Variants in KCNJ3 observed in about 807,000 individuals in gnomAD.
KCNJ3 encodes G protein-activated inward rectifier potassium channel 1.
In KCNJ3, 4 loss-of-function variants were observed where a neutral mutation model predicts 39.2. That is an observed-to-expected ratio of 0.10 (90% CI 0.05 to 0.23). The LOEUF is 0.23. Ranked by LOEUF, KCNJ3 falls within the 10% of genes least tolerant of loss-of-function variation. The probability of loss-of-function intolerance (pLI) is 1.00; values close to 1 mark genes in which losing one functional copy is unlikely to be tolerated. For synonymous variants in KCNJ3, 230 were observed against 237.4 expected (o/e 0.97, Z 0.29); for missense variants, 276 against 634.9 (o/e 0.43, Z 6.08).
chr2:154,768,427 C>T (rs897870228), intron 2 of KCNJ3, among the ~76,000 whole-genome samples: 2 of 152,114 alleles, frequency 1.3e-5, no homozygotes, highest in African/African-American at 2.4e-5. Context: ...TTCCCAGCAC[C>T]ATTTATTAAA....
At chr2:154,800,482 AG>A (rs1686800283) in intron 2 of KCNJ3, among the ~76,000 whole-genome samples, 1 of 152,176 alleles carries the variant, frequency 6.6e-6, no homozygotes, top group Non-Finnish European at 1.5e-5. Flanking sequence ...CATTTCTTGT[AG>A]TTTTTCTTCC....
At chr2:154,803,739 A>G (rs2105095391) in intron 2 of KCNJ3, among the ~76,000 whole-genome samples, 1 of 152,188 alleles carries the variant, frequency 6.6e-6, no homozygotes, top group South Asian at 2.1e-4. Flanking sequence ...CTCACTGACA[A>G]TCTGCATACA....
intron 2 of KCNJ3, among the ~76,000 whole-genome samples, chr2:154,724,533 T>G (rs1165616132): frequency 6.6e-6 from 1 of 152,028 alleles, no homozygotes; most frequent in African/African-American, 2.4e-5. Context: ...ATTAAACATT[T>G]CCTGCTCATG....
intron 2 of KCNJ3, among the ~76,000 whole-genome samples, chr2:154,814,599 T>G (rs1231322808): frequency 1.3e-5 from 2 of 152,100 alleles, no homozygotes; most frequent in Non-Finnish European, 2.9e-5. Context: ...ATCGTGCCAC[T>G]GTGCTCCAGC....
intron 2 of KCNJ3, among the ~76,000 whole-genome samples, chr2:154,711,246 C>G (rs1685098082): frequency 6.6e-6 from 1 of 151,846 alleles, no homozygotes; most frequent in South Asian, 2.1e-4. Flanking sequence ...GCTCGTAGTC[C>G]AAGAAATCTT....
intron 1 of KCNJ3, among the ~76,000 whole-genome samples, chr2:154,704,397 C>T (rs1165966378): frequency 6.6e-6 from 1 of 152,030 alleles, no homozygotes; most frequent in African/African-American, 2.4e-5. Flanking sequence ...GCCACAAAGG[C>T]CCTCAAGGAG....
intron 1 of KCNJ3, among the ~76,000 whole-genome samples, chr2:154,707,326 T>A (rs1312862880): frequency 1.3e-5 from 2 of 152,042 alleles, no homozygotes; most frequent in East Asian, 1.9e-4. Flanking sequence ...GTATATTAAG[T>A]CTCAATGGAA....
intron 2 of KCNJ3, among the ~76,000 whole-genome samples, chr2:154,710,692 A>T (rs867061888): frequency 2.6e-4 from 40 of 152,258 alleles, no homozygotes; most frequent in Middle Eastern, 3.4e-3. Flanking sequence ...AAGACAATAA[A>T]TATTTTAGCT....
At chr2:154,842,576 AGTCTCTTTTTAG>A (rs1484828967) in intron 2 of KCNJ3, among the ~76,000 whole-genome samples, 1 of 152,122 alleles carries the variant, frequency 6.6e-6, no homozygotes, top group Non-Finnish European at 1.5e-5. Context: ...TGGGAATCTA[AGTCTCTTTTTAG>A]GTCTCTAAGG....
intron 2 of KCNJ3, among the ~76,000 whole-genome samples, chr2:154,814,867 TTAAGTTC>T (rs961943008): frequency 3.9e-5 from 6 of 152,232 alleles, no homozygotes; most frequent in African/African-American, 1.2e-4. Flanking sequence ...GTAATCTTTG[TTAAGTTC>T]TAAGTTCTAA....
chr2:154,840,255 T>G (rs1197554126), intron 2 of KCNJ3, among the ~76,000 whole-genome samples: 1 of 152,160 alleles, frequency 6.6e-6, no homozygotes, highest in African/African-American at 2.4e-5. Context: ...GTTGTAGATG[T>G]GTGGTGTTAT....
At position 154,750,731 on chromosome 2, in the gene KCNJ3, G is replaced by C. The variant is rs972030956; in HGVS notation, c.919+40912G>C. ...GTCCTTGTGGATTTGTGATTAACCA[G>C]CAACTTTTGCCATTTTGTTTTCATT... On this transcript the variant is annotated intron_variant, in intron 2 of 2. Transcript: ENST00000295101. Among the ~76,000 whole-genome samples the C allele has an allele frequency of 2.6e-5, 4 of 152,028 alleles. No homozygotes were observed. In the South Asian group the frequency reaches 8.3e-4, roughly 31 times the overall value.
chr2:154,735,102 T>TGTGTGTGTGTGTGTG (rs746877275), intron 2 of KCNJ3, among the ~76,000 whole-genome samples: 6 of 151,762 alleles, frequency 4.0e-5, no homozygotes, highest in African/African-American at 7.3e-5. Flanking sequence ...TGTGTGTGTG[T>TGTGTGTGTGTGTGTG]TTGAGACGGA....
chr2:154,740,036 A>G (rs965959777), intron 2 of KCNJ3, among the ~76,000 whole-genome samples: 1 of 152,054 alleles, frequency 6.6e-6, no homozygotes, highest in Admixed American at 6.6e-5. Context: ...TTTGCCTTAG[A>G]GTAAAATGAA....
At chr2:154,848,639 A>G (rs1402395954) in intron 2 of KCNJ3, among the ~76,000 whole-genome samples, 1 of 152,204 alleles carries the variant, frequency 6.6e-6, no homozygotes, top group Non-Finnish European at 1.5e-5. Context: ...AACACATTGC[A>G]TACAATATCT....
intron 2 of KCNJ3, among the ~76,000 whole-genome samples, chr2:154,848,635 T>C (rs1394669986): frequency 6.6e-6 from 1 of 152,208 alleles, no homozygotes; most frequent in Non-Finnish European, 1.5e-5. Flanking sequence ...GCTAAACACA[T>C]TGCATACAAT....
chr2:154,750,307 C>T (rs1685816867), intron 2 of KCNJ3, among the ~76,000 whole-genome samples: 1 of 151,824 alleles, frequency 6.6e-6, no homozygotes, highest in Non-Finnish European at 1.5e-5. Context: ...AGGTTATAAA[C>T]TTTGCTAATT....
chr2:154,708,500 T>C (rs911811219), intron 1 of KCNJ3, among the ~76,000 whole-genome samples: 13 of 152,206 alleles, frequency 8.5e-5, no homozygotes, highest in African/African-American at 2.9e-4. Context: ...ACATGGAATC[T>C]GTTAGAATAC....
At chr2:154,816,106 G>A (rs561905053) in intron 2 of KCNJ3, among the ~76,000 whole-genome samples, 4 of 152,250 alleles carry the variant, frequency 2.6e-5, no homozygotes, top group African/African-American at 9.6e-5. Flanking sequence ...TCGCAAAACT[G>A]TGAATGATAT....
Sources: gnomAD v4.1 joint callset for allele counts (sites outside exome capture counted in the v4.1 genomes callset) on GRCh38, gnomAD v4.1.1 for gene constraint, MANE v1.5 for transcripts, NCBI Gene and HGNC (gene_info 2026-07-23, HGNC 2026-07-21) for gene names.